R3HDM2: variants seen among roughly 807,000 people sequenced by gnomAD.
R3HDM2 encodes the protein R3H domain-containing protein 2.
Under a neutral mutation model 124.5 loss-of-function variants are expected in R3HDM2, and 38 were observed. The ratio of observed to expected loss-of-function variants is 0.31; its 90% CI spans 0.24 to 0.40. R3HDM2 has a LOEUF of 0.40. R3HDM2 is among the 10% of genes least tolerant of loss of function. R3HDM2 has a pLI of 1.00. For missense variants in R3HDM2, 869 were observed against 1,236.9 expected (o/e 0.70, Z 4.46); for synonymous variants, 391 against 448.0 (o/e 0.87, Z 1.61).
intron 14 of R3HDM2, among the ~76,000 whole-genome samples, chr12:57,273,301 C>T (rs896835538): frequency 6.6e-6 from 1 of 150,664 alleles, no homozygotes; most frequent in African/African-American, 2.5e-5. Context: ...TCCCCCTTCA[C>T]TAGCCTCAAG....
In R3HDM2 at chr12:57,266,086, C is replaced by T. The variant is rs190884508; in HGVS notation, c.2131+645G>A. On this transcript the variant is annotated intron_variant, in intron 19 of 23. Transcript: ENST00000402412. ...TGTTGGGATTACAGGCGTGAGCCTC[C>T]GCACCTGGCCATAATTTTTCTTTTT... 9.0e-3 allele frequency among the ~76,000 whole-genome samples: 1,338 copies of T among 148,650 alleles called. 9 individuals are homozygous for T. The highest frequency in any genetic ancestry group is 0.018 in the Admixed American group (261 of 14,884).
chr12:57,413,364 T>TGG (rs2069187580), intron 1 of R3HDM2, among the ~76,000 whole-genome samples: 1 of 140,194 alleles, frequency 7.1e-6, no homozygotes, highest in African/African-American at 2.7e-5. Flanking sequence ...GATGCTGAGG[T>TGG]GGGAGAATCG....
intron 19 of R3HDM2, among the ~76,000 whole-genome samples, chr12:57,264,672 G>A (rs927959251): frequency 6.7e-6 from 1 of 149,242 alleles, no homozygotes; most frequent in African/African-American, 2.5e-5. Context: ...ATGACAGGGT[G>A]ACATCACCAT....
At position 57,303,057 on chromosome 12, in the gene R3HDM2, G is replaced by C; in HGVS notation, c.207+119C>G. Reference sequence around the variant, plus strand: ...TACGCAGGTTCACAATTGGGGTACAGAGTACAGGCAAGAAAACTCTGCCTA... The same window carrying C: ...TACGCAGGTTCACAATTGGGGTACACAGTACAGGCAAGAAAACTCTGCCTA... On this transcript the variant is annotated intron_variant, in intron 4 of 23. Coordinates refer to ENST00000402412, the MANE Select transcript of R3HDM2 (RefSeq NM_001394031.1). 4.4e-6 allele frequency: 4 copies of C among 908,208 alleles called. No individual in the cohort carries two copies. The East Asian group carries it at 8.0e-5, about 18-fold the overall frequency. 56.3% of individuals were successfully genotyped at this position (908,208 alleles called of 1,614,324 possible).
At chr12:57,391,680 A>G (rs538895047) in intron 2 of R3HDM2, among the ~76,000 whole-genome samples, 2 of 152,350 alleles carry the variant, frequency 1.3e-5, no homozygotes, top group South Asian at 4.1e-4. Context: ...GATGTTACCA[A>G]TGGAAGACAC....
Position 57,296,557 on chromosome 12 carries a change from G to GGGAAA in R3HDM2, c.561-11_561-7dup. ...GGAACTTCTTGAACTGATTACTGAAGGGAAACCCGGGGAAAAAAAGTGAAA... is the reference window on the plus strand; with the variant it reads ...GGAACTTCTTGAACTGATTACTGAAGGGAAAGGAAACCCGGGGAAAAAAAGTGAAA... On this transcript the variant is annotated splice_polypyrimidine_tract_variant and splice_region_variant and intron_variant, in intron 8 of 23. Transcript: ENST00000402412. This position sits in a 1 kb window ranked among gnomAD's most constrained non-coding sequence, Gnocchi z 4.5. 1 of 1,544,024 alleles carries GGGAAA rather than the reference G, an allele frequency of 6.5e-7. No individual in the cohort carries two copies. Among genetic ancestry groups the GGGAAA allele is most frequent in the Non-Finnish European group, 8.7e-7 (1 of 1,143,024 alleles).
At chr12:57,283,737 C>CAA in intron 13 of R3HDM2, 87 bp downstream of exon 13, 25 of 1,193,824 alleles carry the variant, frequency 2.1e-5, no homozygotes, top group Admixed American at 4.0e-5. Context: ...GACTCTGTCT[C>CAA]AAAAAAAAAA....
At chr12:57,375,887 T>C (rs1483987748) in intron 2 of R3HDM2, among the ~76,000 whole-genome samples, 1 of 152,090 alleles carries the variant, frequency 6.6e-6, no homozygotes, top group African/African-American at 2.4e-5. Flanking sequence ...TTAGCCAGGA[T>C]GGTCTCGATC....
intron 20 of R3HDM2, 57 bp downstream of exon 20, chr12:57,258,833 G>A (rs574514277): frequency 1.4e-4 from 191 of 1,398,336 alleles, no homozygotes; most frequent in Admixed American, 2.4e-4. Flanking sequence ...CAAACATTGC[G>A]CCCCGGGAAG....
chr12:57,380,437 T>C (rs552352654), intron 2 of R3HDM2, among the ~76,000 whole-genome samples: 86 of 152,186 alleles, frequency 5.7e-4, no homozygotes, highest in Non-Finnish European at 1.1e-3. Flanking sequence ...GAAAAGAGAA[T>C]ACAGCAACAC....
chr12:57,307,631 T>G (rs901038596), intron 3 of R3HDM2, among the ~76,000 whole-genome samples: 14 of 149,122 alleles, frequency 9.4e-5, no homozygotes, highest in Non-Finnish European at 3.0e-5. Flanking sequence ...ATGCTCTTTT[T>G]TTTTTTTTTT....
chr12:57,254,645 A>T lies in R3HDM2; in HGVS notation c.*128T>A. The stretch of plus-strand genomic sequence containing the variant: ...AGGTATCTGTGTTTCCATCTTCATC[A>T]CTGTCTTAGGTTCCAGTTTAACATC... On this transcript the variant is annotated 3_prime_UTR_variant, in exon 24 of 24. Transcript: ENST00000402412. 1.2e-6 allele frequency: 1 copy of T among 803,698 alleles called. No homozygotes were observed. The highest frequency in any genetic ancestry group is 1.9e-6 in the Non-Finnish European group (1 of 529,488). The allele number at this position is 803,698 out of a possible 1,614,324, so 49.8% of individuals were successfully genotyped here.
chr12:57,422,349 C>T (rs974518651), intron 1 of R3HDM2, among the ~76,000 whole-genome samples: 3 of 152,138 alleles, frequency 2.0e-5, no homozygotes, highest in Non-Finnish European at 4.4e-5. Context: ...CAATATCAGG[C>T]ACCTAGGTAC....
At chr12:57,276,493 A>G (rs2137710780) in intron 14 of R3HDM2, among the ~76,000 whole-genome samples, 1 of 152,368 alleles carries the variant, frequency 6.6e-6, no homozygotes, top group East Asian at 1.9e-4. Context: ...ATGAGATTGG[A>G]GACTATTATT....
chr12:57,365,542 A>G (rs999052161), intron 2 of R3HDM2, among the ~76,000 whole-genome samples: 1 of 152,178 alleles, frequency 6.6e-6, no homozygotes, highest in African/African-American at 2.4e-5. Flanking sequence ...TTTCTTCATG[A>G]TTTTTCTGTT....
At chr12:57,354,200 GT>G (rs1391164078) in intron 2 of R3HDM2, among the ~76,000 whole-genome samples, 2 of 151,478 alleles carry the variant, frequency 1.3e-5, no homozygotes, top group Non-Finnish European at 2.9e-5. Flanking sequence ...TTTCAAAGTG[GT>G]TGTACCATCT....
intron 2 of R3HDM2, among the ~76,000 whole-genome samples, chr12:57,344,916 T>G (rs1471847181): frequency 6.6e-6 from 1 of 152,018 alleles, no homozygotes; most frequent in Admixed American, 6.6e-5. Flanking sequence ...AACCTCCACC[T>G]TTCCACCTTC....
chr12:57,365,196 G>A (rs1593983964), intron 2 of R3HDM2, among the ~76,000 whole-genome samples: 1 of 148,006 alleles, frequency 6.8e-6, no homozygotes, highest in Admixed American at 6.8e-5. Flanking sequence ...CCCATGAAGT[G>A]GAGGTTGCAG....
intron 2 of R3HDM2, among the ~76,000 whole-genome samples, chr12:57,319,804 GTA>G (rs568917145): frequency 6.4e-4 from 97 of 152,202 alleles, no homozygotes; most frequent in African/African-American, 2.3e-3. Flanking sequence ...GCATAAAACT[GTA>G]TTTCTTAGGC....
Sources: gnomAD v4.1 joint callset for allele counts (sites outside exome capture counted in the v4.1 genomes callset) on GRCh38, gnomAD v4.1.1 for gene constraint, Gnocchi (gnomAD v3.1) non-coding constraint, MANE v1.5 for transcripts, NCBI Gene and HGNC (gene_info 2026-07-23, HGNC 2026-07-21) for gene names.